Variants in PCDH15 observed in about 807,000 individuals in gnomAD.
PCDH15 encodes protocadherin-15.
Under a neutral mutation model 178.5 loss-of-function variants are expected in PCDH15, and 129 were observed. The ratio of observed to expected loss-of-function variants is 0.72; its 90% confidence interval spans 0.63 to 0.84. The LOEUF (loss-of-function observed/expected upper bound fraction) is 0.84. Among genes scored for constraint, PCDH15 ranks in the 40% least tolerant of loss-of-function variants. The pLI is 0.00. For synonymous variants in PCDH15, 800 were observed against 732.0 expected (o/e 1.09, Z -1.50); for missense variants, 2,230 against 2,099.9 (o/e 1.06, Z -1.21).
At chr10:53,843,243 C>T (rs1272166541) in intron 28 of PCDH15, among the ~76,000 whole-genome samples, 1 of 152,082 alleles carries the variant, frequency 6.6e-6, no homozygotes, top group Non-Finnish European at 1.5e-5. Flanking sequence ...ATCTTAACTG[C>T]TTCTGTATCT....
intron 2 of PCDH15, among the ~76,000 whole-genome samples, chr10:55,121,154 C>A (rs1837758102): frequency 6.6e-6 from 1 of 152,100 alleles, no homozygotes; most frequent in Non-Finnish European, 1.5e-5. Flanking sequence ...GGTTGGAAAC[C>A]CTTCTCCAGT....
intron 1 of PCDH15, among the ~76,000 whole-genome samples, chr10:54,735,095 C>G (rs1943921405): frequency 6.6e-6 from 1 of 151,922 alleles, no homozygotes; most frequent in Non-Finnish European, 1.5e-5. Context: ...TAAAAAACAT[C>G]TGGTATATTA....
At chr10:55,125,381 C>T (rs1349333803) in intron 2 of PCDH15, among the ~76,000 whole-genome samples, 1 of 152,070 alleles carries the variant, frequency 6.6e-6, no homozygotes, top group Non-Finnish European at 1.5e-5. Flanking sequence ...AGGGTGACGT[C>T]TCCTTCTCTG....
chr10:55,118,841 C>T (rs1221530580), intron 2 of PCDH15, among the ~76,000 whole-genome samples: 1 of 152,190 alleles, frequency 6.6e-6, no homozygotes, highest in East Asian at 1.9e-4. Flanking sequence ...GACTCTGATG[C>T]TATGTTTCCA....
intron 1 of PCDH15, among the ~76,000 whole-genome samples, chr10:55,249,820 T>C (rs563130504): frequency 9.7e-4 from 148 of 152,050 alleles, no homozygotes; most frequent in African/African-American, 3.3e-3. Flanking sequence ...ATATGAATAA[T>C]GGTTTTATTA....
intron 3 of PCDH15, among the ~76,000 whole-genome samples, chr10:54,806,766 G>C (rs955056635): frequency 6.6e-6 from 1 of 152,140 alleles, no homozygotes; most frequent in African/African-American, 2.4e-5. Flanking sequence ...TTACAGGTCT[G>C]AGCCGCCTCG....
intron 2 of PCDH15, among the ~76,000 whole-genome samples, chr10:54,572,203 T>C (rs2089932241): frequency 6.6e-6 from 1 of 152,136 alleles, no homozygotes. Context: ...TTGACTTTTA[T>C]AACTAATTTA....
rs1379810745 is a variant in PCDH15 at position 54,171,083 on chromosome 10, G to A, written c.1590+12361C>T. ...AGGCCTTTCCTACAGGGTCTGAGAA[G>A]GCCACCGCAGGCATTTCTTCCCTTC... On this transcript the variant is annotated intron_variant, in intron 13 of 37. Transcript: ENST00000644397. Among the ~76,000 whole-genome samples, 4 of 152,222 alleles carry A rather than the reference G, an allele frequency of 2.6e-5. No homozygotes were observed. In the East Asian group the frequency reaches 7.7e-4, roughly 29 times the overall value.
intron 2 of PCDH15, among the ~76,000 whole-genome samples, chr10:55,351,722 C>T (rs1206251164): frequency 6.6e-6 from 1 of 152,122 alleles, no homozygotes; most frequent in Non-Finnish European, 1.5e-5. Context: ...CTACCATACA[C>T]TGCTCCCAAA....
At chr10:54,887,022 G>C (rs1445384502) in intron 3 of PCDH15, among the ~76,000 whole-genome samples, 1 of 152,130 alleles carries the variant, frequency 6.6e-6, no homozygotes, top group Non-Finnish European at 1.5e-5. Flanking sequence ...GGATAGCAAA[G>C]AACTAACAAA....
intron 8 of PCDH15, among the ~76,000 whole-genome samples, chr10:54,239,481 T>C (rs1482900585): frequency 1.3e-5 from 2 of 150,976 alleles, no homozygotes; most frequent in African/African-American, 4.9e-5. Context: ...TATTTAGAAT[T>C]ATATTAATAA....
intron 2 of PCDH15, among the ~76,000 whole-genome samples, chr10:55,520,507 A>G (rs1376287379): frequency 1.5e-5 from 2 of 133,496 alleles, no homozygotes; most frequent in African/African-American, 2.7e-5. Flanking sequence ...GTGTGTGTGT[A>G]TATGTGTGTG....
chr10:55,325,657 A>T (rs933609180), intron 2 of PCDH15, among the ~76,000 whole-genome samples: 2 of 152,120 alleles, frequency 1.3e-5, no homozygotes, highest in Non-Finnish European at 2.9e-5. Context: ...ACTGGCAAAG[A>T]TTTCATGCCA....
At chr10:53,888,310 G>GTATGTA (rs2081270122) in intron 26 of PCDH15, among the ~76,000 whole-genome samples, 2 of 28,708 alleles carry the variant, frequency 7.0e-5, no homozygotes, top group African/African-American at 1.8e-4. Context: ...ATATATATAT[G>GTATGTA]TATATATGTA....
intron 2 of PCDH15, among the ~76,000 whole-genome samples, chr10:55,417,761 A>AG (rs1044458820): frequency 2.6e-5 from 4 of 151,324 alleles, no homozygotes; most frequent in South Asian, 2.1e-4. Flanking sequence ...AGCAAAATGA[A>AG]GGGAAAAAAA....
intron 2 of PCDH15, among the ~76,000 whole-genome samples, chr10:55,378,925 GTACTT>G (rs1182583956): frequency 1.4e-5 from 2 of 138,750 alleles, no homozygotes; most frequent in African/African-American, 5.6e-5. Flanking sequence ...TGCCCTTAAT[GTACTT>G]ATAAATAGAA....
chr10:54,442,414 CTATATA>C (rs71007859), intron 3 of PCDH15, among the ~76,000 whole-genome samples: 277 of 19,120 alleles, frequency 0.014, no homozygotes, highest in East Asian at 0.021. Flanking sequence ...GCCTTAAAGG[CTATATA>C]TATATATATA....
chr10:54,677,798 T>C (rs933481874), intron 1 of PCDH15, among the ~76,000 whole-genome samples: 1 of 152,218 alleles, frequency 6.6e-6, no homozygotes, highest in Non-Finnish European at 1.5e-5. Flanking sequence ...CGCAGCTTTA[T>C]GTGCCATCCA....
At chr10:55,460,006 C>T (rs947270774) in intron 2 of PCDH15, among the ~76,000 whole-genome samples, 4 of 151,946 alleles carry the variant, frequency 2.6e-5, no homozygotes, top group African/African-American at 9.7e-5. Context: ...CCAGATGGAG[C>T]ATGGACCGTT....
Sources: allele counts gnomAD v4.1 joint callset (sites outside exome capture counted in the v4.1 genomes callset), GRCh38; gene constraint gnomAD v4.1.1; transcripts MANE v1.5; gene names NCBI Gene and HGNC (gene_info 2026-07-23, HGNC 2026-07-21).